TRAF3: variants seen among roughly 807,000 people sequenced by gnomAD.
TRAF3 encodes the protein TNF receptor associated factor 3, also known as TNF receptor-associated factor 3.
Under a neutral mutation model 62.3 loss-of-function variants are expected in TRAF3, and 13 were observed. The ratio of observed to expected loss-of-function variants is 0.21; its 90% CI spans 0.14 to 0.33. The LOEUF is 0.33. Among genes scored for constraint, TRAF3 ranks in the 10% least tolerant of loss-of-function variants. TRAF3 has a pLI of 1.00. For missense variants in TRAF3, 440 were observed against 741.8 expected (o/e 0.59, Z 4.73); for synonymous variants, 269 against 283.4 (o/e 0.95, Z 0.51).
chr14:102,777,788 G>GGC (rs1345510568), intron 1 of TRAF3, 113 bp downstream of exon 1: 2 of 143,534 alleles, frequency 1.4e-5, no homozygotes, highest in Middle Eastern at 3.6e-3. Flanking sequence ...GGGGCTGCCC[G>GGC]GCGCGGGCCC....
At chr14:102,817,754 TTCTC>T (rs1173711966) in intron 1 of TRAF3, among the ~76,000 whole-genome samples, 1 of 152,242 alleles carries the variant, frequency 6.6e-6, no homozygotes, top group Non-Finnish European at 1.5e-5. Flanking sequence ...ATCCTCAGGG[TTCTC>T]TCTCCTGTGC....
intron 2 of TRAF3, among the ~76,000 whole-genome samples, chr14:102,851,486 T>C (rs557262442): frequency 6.6e-6 from 1 of 152,336 alleles, no homozygotes; most frequent in Non-Finnish European, 1.5e-5. Flanking sequence ...GGCTCAGGCC[T>C]GTAATCCCAG....
At position 102,905,272 on chromosome 14, in the gene TRAF3, C is replaced by G; in HGVS notation, c.1195C>G (p.Leu399Val). ...GATGCTGAGTGTGCACGACATCCGC[C>G]TAGCCGACATGGACCTGCGCTTCCA... ...DQMLSVHDIR[L>V]ADMDLRFQVL... The change falls in exon 12 of 12, where the codon CTA becomes GTA. Residue 399 changes from leucine (L) to valine (V), a missense_variant. Leu to Val is a conservative substitution (Grantham distance 32). This residue lies in a region of TRAF3 where 42 missense variants were observed against 86.1 expected (regional missense o/e 0.49). Coordinates refer to ENST00000392745, the MANE Select transcript of TRAF3 (RefSeq NM_145725.3). 6.2e-7 allele frequency: 1 copy of G among 1,614,250 alleles called. No individual in the cohort carries two copies. Among genetic ancestry groups the G allele is most frequent in the Non-Finnish European group, 8.5e-7 (1 of 1,180,054 alleles).
At chr14:102,815,061 G>C (rs1269116176) in intron 1 of TRAF3, among the ~76,000 whole-genome samples, 1 of 151,994 alleles carries the variant, frequency 6.6e-6, no homozygotes, top group Non-Finnish European at 1.5e-5. Context: ...TTAGCCTCCT[G>C]AGTAGCTAGG....
intron 2 of TRAF3, among the ~76,000 whole-genome samples, chr14:102,854,763 A>G: frequency 6.7e-6 from 1 of 149,524 alleles, no homozygotes; most frequent in Admixed American, 6.7e-5. Context: ...AGCCTTTCAA[A>G]GTGCTGGGAT....
chr14:102,872,080 C>A, intron 4 of TRAF3, 112 bp downstream of exon 4: 1 of 1,146,542 alleles, frequency 8.7e-7, no homozygotes, highest in South Asian at 1.2e-5. Context: ...GTTTTGGCAG[C>A]TGATGCGGCA....
At chr14:102,836,056 G>A (rs1885982811) in intron 2 of TRAF3, among the ~76,000 whole-genome samples, 1 of 152,184 alleles carries the variant, frequency 6.6e-6, no homozygotes, top group Non-Finnish European at 1.5e-5. Flanking sequence ...ACAAGACCCT[G>A]TCTCTAAAAT....
intron 1 of TRAF3, among the ~76,000 whole-genome samples, chr14:102,795,654 T>C (rs938267616): frequency 6.6e-6 from 1 of 150,800 alleles, no homozygotes; most frequent in Non-Finnish European, 1.5e-5. Context: ...GACTCATAAG[T>C]CCCATAGCCC....
intron 8 of TRAF3, 21 bp downstream of exon 8, chr14:102,889,655 C>T (rs777050555): frequency 3.7e-6 from 6 of 1,613,294 alleles, no homozygotes; most frequent in Non-Finnish European, 4.2e-6. Context: ...GACATTTGTC[C>T]TTCCCAGTCA....
chr14:102,795,596 A>ATGTGTGTGTGTG (rs1189667975), intron 1 of TRAF3, among the ~76,000 whole-genome samples: 48,201 of 128,454 alleles, frequency 0.38, 8,826 homozygotes, highest in East Asian at 0.54. Context: ...TGATATGTAT[A>ATGTGTGTGTGTG]TATGTGTGTG....
At chr14:102,898,071 C>T (rs1264663811) in intron 10 of TRAF3, among the ~76,000 whole-genome samples, 1 of 152,194 alleles carries the variant, frequency 6.6e-6, no homozygotes, top group Non-Finnish European at 1.5e-5. Flanking sequence ...TGTCACACAC[C>T]GTGGAAGAAT....
intron 9 of TRAF3, 44 bp from the exon 10 acceptor site, chr14:102,897,217 G>T: frequency 1.3e-6 from 2 of 1,570,182 alleles, no homozygotes; most frequent in South Asian, 2.3e-5. Flanking sequence ...TAATTAATAT[G>T]AAAACCACTT....
Position 102,905,682 on chromosome 14 carries a change from A to G in TRAF3, c.1605A>G (p.Pro535=). ...TGEMNIASGC[P]VFVAQTVLEN... Reference sequence around the variant, plus strand: ...AGATGAATATCGCCTCTGGCTGCCCAGTCTTTGTGGCCCAAACTGTTCTAG... The same window carrying G: ...AGATGAATATCGCCTCTGGCTGCCCGGTCTTTGTGGCCCAAACTGTTCTAG... Residue 535 remains proline (P), a synonymous_variant, in exon 12 of 12, where the codon CCA becomes CCG. Coordinates refer to ENST00000392745, the MANE Select transcript of TRAF3 (RefSeq NM_145725.3). 1.2e-5 allele frequency: 20 copies of G among 1,612,664 alleles called. No homozygotes were observed. The highest frequency in any genetic ancestry group is 1.7e-5 in the Non-Finnish European group (20 of 1,178,810).
intron 10 of TRAF3, among the ~76,000 whole-genome samples, chr14:102,902,481 T>C (rs1313116396): frequency 1.3e-5 from 2 of 152,266 alleles, no homozygotes; most frequent in Admixed American, 6.5e-5. Flanking sequence ...AGGAGGCCTT[T>C]AGACGTTCCA....
intron 2 of TRAF3, among the ~76,000 whole-genome samples, chr14:102,833,237 G>A (rs2139641101): frequency 6.6e-6 from 1 of 152,340 alleles, no homozygotes; most frequent in East Asian, 1.9e-4. Flanking sequence ...GTGAATGAAT[G>A]AATACTGGAC....
At chr14:102,888,179 G>T (rs1360232766) in intron 7 of TRAF3, among the ~76,000 whole-genome samples, 1 of 152,218 alleles carries the variant, frequency 6.6e-6, no homozygotes, top group East Asian at 1.9e-4. Context: ...GACACTGGAA[G>T]AATACATTCC....
At chr14:102,780,519 CTT>C (rs35556588) in intron 1 of TRAF3, among the ~76,000 whole-genome samples, 4 of 146,662 alleles carry the variant, frequency 2.7e-5, no homozygotes, top group East Asian at 2.0e-4. Flanking sequence ...AGCATAATAC[CTT>C]TTTTTTTTTT....
chr14:102,905,236 C>T lies in TRAF3; in HGVS notation c.1159C>T (p.Arg387Trp). Residue 387 changes from arginine to tryptophan, a missense_variant, in exon 12 of 12, where the codon CGG becomes TGG. Physicochemically the swap from Arg to Trp is moderately radical, Grantham distance 101. Transcript: ENST00000392745. ...NTGLLESQLS[R>W]HDQMLSVHDI... ...AGGCCTGCTGGAGTCCCAGCTGAGCCGGCATGACCAGATGCTGAGTGTGCA... is the reference window on the plus strand; with the variant it reads ...AGGCCTGCTGGAGTCCCAGCTGAGCTGGCATGACCAGATGCTGAGTGTGCA... 1 of 1,613,964 alleles carries T rather than the reference C, an allele frequency of 6.2e-7. No homozygotes were observed. Among genetic ancestry groups the T allele is most frequent in the Non-Finnish European group, 8.5e-7 (1 of 1,180,044 alleles).
In TRAF3 at chr14:102,911,162, A is replaced by C. The variant is rs1212041942; in HGVS notation, c.*5378A>C. 1 of 152,218 alleles carries C rather than the reference A, an allele frequency of 6.6e-6. No homozygotes were observed. Among genetic ancestry groups the C allele is most frequent in the Non-Finnish European group, 1.5e-5 (1 of 68,030 alleles). 9.4% of individuals were successfully genotyped at this position (152,218 alleles called of 1,614,324 possible). On this transcript the variant is annotated 3_prime_UTR_variant, in exon 12 of 12. Coordinates refer to ENST00000392745, the MANE Select transcript of TRAF3 (RefSeq NM_145725.3). The stretch of plus-strand genomic sequence containing the variant: ...TGTAGTAGCCGCTTGCTGTGAAGAC[A>C]CATCTTGACAGTCCAAGTGATTTTG...
Sources: gnomAD v4.1 joint callset for allele counts (sites outside exome capture counted in the v4.1 genomes callset) on GRCh38, gnomAD v4.1.1 for gene constraint, gnomAD v4.1.1 regional missense constraint, MANE v1.5 for transcripts, NCBI Gene and HGNC (gene_info 2026-07-23, HGNC 2026-07-21) for gene names.